ERBB4: variants seen among roughly 807,000 people sequenced by gnomAD.
ERBB4 encodes the protein erb-b2 receptor tyrosine kinase 4.
A neutral mutation model predicts 158.0 loss-of-function variants in ERBB4; 42 were observed. The observed-to-expected ratio is 0.27, with a 90% CI of 0.21 to 0.34. The LOEUF (loss-of-function observed/expected upper bound fraction) is 0.34, where lower values mean the gene tolerates loss of function less well. Ranked by LOEUF, ERBB4 falls within the 10% of genes least tolerant of loss-of-function variation. The probability of loss-of-function intolerance (pLI) is 1.00; values close to 1 mark genes in which losing one functional copy is unlikely to be tolerated. For synonymous variants in ERBB4, 583 were observed against 558.7 expected, an observed-to-expected ratio of 1.04 and a Z score of -0.61; for missense variants, 1,333 against 1,624.1, an observed-to-expected ratio of 0.82 and a Z score of 3.08.
At chr2:211,692,525 C>T (rs1308444041) in intron 12 of ERBB4, among the ~76,000 whole-genome samples, 1 of 152,128 alleles carries the variant, frequency 6.6e-6, no homozygotes, top group African/African-American at 2.4e-5. Context: ...AAGGTGTCAG[C>T]AAGGCTGATT....
At chr2:211,608,109 T>G (rs1378215428) in intron 19 of ERBB4, among the ~76,000 whole-genome samples, 1 of 152,070 alleles carries the variant, frequency 6.6e-6, no homozygotes. Context: ...AGTTTGATTT[T>G]CTAATCTGAG....
chr2:211,911,936 G>A (rs1440859804), intron 3 of ERBB4, among the ~76,000 whole-genome samples: 11 of 151,794 alleles, frequency 7.2e-5, no homozygotes, highest in Non-Finnish European at 1.5e-4. Flanking sequence ...TGAGGCATAA[G>A]TTTCAATCAC....
intron 2 of ERBB4, among the ~76,000 whole-genome samples, chr2:212,120,866 T>G (rs2079726347): frequency 6.6e-6 from 1 of 152,158 alleles, no homozygotes; most frequent in Non-Finnish European, 1.5e-5. Flanking sequence ...ACAAATTTAT[T>G]ATCCACTCAT....
At chr2:212,159,286 G>C (rs1469876775) in intron 1 of ERBB4, among the ~76,000 whole-genome samples, 3 of 145,762 alleles carry the variant, frequency 2.1e-5, no homozygotes, top group Non-Finnish European at 4.5e-5. Flanking sequence ...TTTTTGGATA[G>C]AAACAGATAG....
chr2:211,427,906 C>T (rs1436952748), intron 22 of ERBB4, among the ~76,000 whole-genome samples: 1 of 139,448 alleles, frequency 7.2e-6, no homozygotes, highest in Non-Finnish European at 1.5e-5. Context: ...AACATCTTAG[C>T]AGAAATATTA....
At chr2:211,521,237 G>C (rs1192504933) in intron 20 of ERBB4, among the ~76,000 whole-genome samples, 1 of 152,104 alleles carries the variant, frequency 6.6e-6, no homozygotes, top group Non-Finnish European at 1.5e-5. Flanking sequence ...GAGTTACTTA[G>C]ACAAACTAAA....
At chr2:211,562,517 C>A (rs2067425112) in intron 19 of ERBB4, among the ~76,000 whole-genome samples, 1 of 152,090 alleles carries the variant, frequency 6.6e-6, no homozygotes, top group African/African-American at 2.4e-5. Context: ...ACTTTGAAGT[C>A]ACCCATTATT....
At chr2:211,679,724 G>T (rs2072256831) in intron 12 of ERBB4, among the ~76,000 whole-genome samples, 1 of 152,052 alleles carries the variant, frequency 6.6e-6, no homozygotes, top group Non-Finnish European at 1.5e-5. Context: ...TTGTCACCCA[G>T]ATCCAAGTGC....
At chr2:211,911,316 G>C (rs2079535790) in intron 3 of ERBB4, among the ~76,000 whole-genome samples, 1 of 152,056 alleles carries the variant, frequency 6.6e-6, no homozygotes. Context: ...ACCTAGATTA[G>C]AGTGTAGTGG....
chr2:211,924,389 G>A (rs987135347), intron 3 of ERBB4, among the ~76,000 whole-genome samples: 4 of 152,028 alleles, frequency 2.6e-5, no homozygotes, highest in Admixed American at 1.3e-4. Flanking sequence ...TTTGGGTGAT[G>A]GGTGCCCTAA....
intron 20 of ERBB4, among the ~76,000 whole-genome samples, chr2:211,527,687 AAC>A: frequency 6.6e-6 from 1 of 152,068 alleles, no homozygotes; most frequent in Non-Finnish European, 1.5e-5. Flanking sequence ...AAATAGAAAT[AAC>A]AAAATGTTAA....
At chr2:212,150,755 A>C (rs1051598844) in intron 1 of ERBB4, among the ~76,000 whole-genome samples, 3 of 152,190 alleles carry the variant, frequency 2.0e-5, no homozygotes, top group African/African-American at 7.2e-5. Flanking sequence ...ATTTATAAGA[A>C]CTGCTTACAT....
chr2:211,657,873 T>C (rs374840885), intron 15 of ERBB4, 45 bp from the exon 16 acceptor site: 104 of 1,604,752 alleles, frequency 6.5e-5, no homozygotes, highest in Middle Eastern at 3.3e-4. Context: ...CCATCCACAG[T>C]GACATGCACA....
intron 7 of ERBB4, 91 bp from the exon 8 acceptor site, chr2:211,713,739 A>G: frequency 1.3e-6 from 1 of 752,564 alleles, no homozygotes; most frequent in Non-Finnish European, 2.3e-6. Flanking sequence ...TTTAAAAATG[A>G]TTAGCATCAT....
intron 2 of ERBB4, among the ~76,000 whole-genome samples, chr2:211,971,312 C>G (rs1046945543): frequency 6.6e-6 from 1 of 152,070 alleles, no homozygotes; most frequent in Non-Finnish European, 1.5e-5. Context: ...ACTAGAAAAT[C>G]TAGAGAAATG....
intron 1 of ERBB4, among the ~76,000 whole-genome samples, chr2:212,181,209 T>C (rs2081850975): frequency 6.6e-6 from 1 of 151,722 alleles, no homozygotes; most frequent in Admixed American, 6.6e-5. Flanking sequence ...ATGTGATTTA[T>C]GATAAACTTT....
intron 1 of ERBB4, among the ~76,000 whole-genome samples, chr2:212,438,694 C>G (rs1330606192): frequency 1.3e-5 from 2 of 152,016 alleles, no homozygotes; most frequent in Non-Finnish European, 2.9e-5. Flanking sequence ...TAAACACTTT[C>G]CTTAGCTTCC....
chr2:212,155,896 A>C (rs1209229206), intron 1 of ERBB4, among the ~76,000 whole-genome samples: 1 of 152,180 alleles, frequency 6.6e-6, no homozygotes, highest in Non-Finnish European at 1.5e-5. Context: ...TATAAAAAGA[A>C]CACATATATT....
At chr2:212,109,715 TG>T (rs571816780) in intron 2 of ERBB4, among the ~76,000 whole-genome samples, 4 of 152,184 alleles carry the variant, frequency 2.6e-5, no homozygotes, top group Non-Finnish European at 4.4e-5. Flanking sequence ...GATTGTTTCA[TG>T]TGTATATTTT....
Sources: allele counts gnomAD v4.1 joint callset (sites outside exome capture counted in the v4.1 genomes callset), GRCh38; gene constraint gnomAD v4.1.1; transcripts MANE v1.5; gene names NCBI Gene and HGNC (gene_info 2026-07-23, HGNC 2026-07-21).